The following SHCBP1L variants were observed in gnomAD, a reference collection of about 807,000 sequenced individuals.
The protein encoded by SHCBP1L is SHC binding and spindle associated 1 like, also known as testicular spindle-associated protein SHCBP1L.
SHCBP1L carries 67 observed loss-of-function variants against 62.5 expected under a neutral mutation model. The observed-to-expected ratio is 1.07, with a 90% CI of 0.88 to 1.31. The LOEUF (loss-of-function observed/expected upper bound fraction) is 1.31, where lower values mean the gene tolerates loss of function less well. SHCBP1L is among the 40% of genes most tolerant of loss of function. The pLI is 0.00. For synonymous variants in SHCBP1L, 284 were observed against 289.4 expected, an observed-to-expected ratio of 0.98 and a Z score of 0.19; for missense variants, 823 against 809.8, an observed-to-expected ratio of 1.02 and a Z score of -0.20.
intron 2 of SHCBP1L, among the ~76,000 whole-genome samples, chr1:182,944,957 C>CTTTTTTT (rs11309339): frequency 4.0e-4 from 44 of 109,038 alleles, no homozygotes; most frequent in African/African-American, 8.1e-4. Flanking sequence ...TTCTTTCTTT[C>CTTTTTTT]TTTTTTTTTT....
intron 5 of SHCBP1L, among the ~76,000 whole-genome samples, chr1:182,932,914 T>C (rs1233437117): frequency 2.6e-5 from 4 of 151,292 alleles, no homozygotes; most frequent in Admixed American, 6.6e-5. Flanking sequence ...AGCAATTTAC[T>C]TTTTTTTTGG....
intron 2 of SHCBP1L, among the ~76,000 whole-genome samples, chr1:182,949,294 CAT>C (rs1366904805): frequency 6.8e-6 from 1 of 147,794 alleles, no homozygotes; most frequent in East Asian, 2.0e-4. Context: ...AAAAAAAAGT[CAT>C]AAAGCCAGAT....
At chr1:182,951,531 T>TG in intron 1 of SHCBP1L, 64 bp from the exon 2 acceptor site, 1 of 406,088 alleles carries the variant, frequency 2.5e-6, no homozygotes, top group East Asian at 8.8e-5. Context: ...AACTAAGTGG[T>TG]TTTTTTTTTT....
intron 6 of SHCBP1L, among the ~76,000 whole-genome samples, chr1:182,909,138 T>C (rs1428500826): frequency 6.6e-6 from 1 of 152,286 alleles, no homozygotes; most frequent in East Asian, 1.9e-4. Flanking sequence ...ATATTTTTTT[T>C]ATTCACTGAA....
In SHCBP1L at chr1:182,940,361, T is replaced by G; in HGVS notation, c.738A>C (p.Ile246=). 6.2e-7 allele frequency: 1 copy of G among 1,613,942 alleles called. No individual in the cohort carries two copies. Among genetic ancestry groups the G allele is most frequent in the Non-Finnish European group, 8.5e-7 (1 of 1,179,924 alleles). Residue 246 remains isoleucine, a synonymous_variant, in exon 3 of 10, where the codon ATA becomes ATC. Transcript: ENST00000367547. The stretch of plus-strand genomic sequence containing the variant: ...CTTCCAAGGCCAAAGCAATAACATG[T>G]ATATCAGTATCTTGTCCCTCAACAG... ...VYPVEGQDTD[I]HVIALALEVV... is the part of the protein sequence containing the mutation.
chr1:182,941,045 T>G (rs548679010), intron 2 of SHCBP1L, among the ~76,000 whole-genome samples: 1 of 152,026 alleles, frequency 6.6e-6, no homozygotes, highest in Admixed American at 6.5e-5. Context: ...TTCAACAAAT[T>G]TTGCCATAAA....
chr1:182,942,781 T>G (rs1651415420), intron 2 of SHCBP1L, among the ~76,000 whole-genome samples: 1 of 152,236 alleles, frequency 6.6e-6, no homozygotes, highest in Non-Finnish European at 1.5e-5. Flanking sequence ...AATGAAATTC[T>G]TTATTTTTCG....
chr1:182,908,441 A>T (rs1255230623), intron 6 of SHCBP1L, among the ~76,000 whole-genome samples: 1 of 152,184 alleles, frequency 6.6e-6, no homozygotes, highest in Non-Finnish European at 1.5e-5. Context: ...ACTGCAAAGG[A>T]CATGATTTCA....
intron 8 of SHCBP1L, among the ~76,000 whole-genome samples, 154 bp downstream of exon 8, chr1:182,904,026 C>T (rs1288336414): frequency 6.6e-6 from 1 of 152,094 alleles, no homozygotes; most frequent in African/African-American, 2.4e-5. Context: ...CTATGACACT[C>T]CAGTACTCAT....
chr1:182,915,233 CAGTGAAAGAATAAAAAG>C, intron 6 of SHCBP1L, among the ~76,000 whole-genome samples: 1 of 84,202 alleles, frequency 1.2e-5, no homozygotes, highest in Admixed American at 1.3e-4. Context: ...AGTAGGTTAA[CAGTGAAAGAATAAAAAG>C]ATATTCTGTA....
Position 182,939,404 on chromosome 1 carries a change from A to G in SHCBP1L, c.858-10T>C, listed in dbSNP as rs369279292. On this transcript the variant is annotated splice_polypyrimidine_tract_variant and intron_variant, in intron 4 of 9. Transcript: ENST00000367547. ...CTGTATATCACACCACCTGAAAATTATCAACATAATTACAATGTTTATTTT... is the reference window on the plus strand; with the variant it reads ...CTGTATATCACACCACCTGAAAATTGTCAACATAATTACAATGTTTATTTT... The G allele has an allele frequency of 1.4e-5, 22 of 1,611,086 alleles. No homozygotes were observed. The highest frequency in any genetic ancestry group is 1.7e-5 in the Non-Finnish European group (20 of 1,178,826).
At chr1:182,944,192 G>A (rs1651475391) in intron 2 of SHCBP1L, among the ~76,000 whole-genome samples, 1 of 150,826 alleles carries the variant, frequency 6.6e-6, no homozygotes, top group Non-Finnish European at 1.5e-5. Flanking sequence ...GATCACCTGA[G>A]GTCAGGAGTT....
At chr1:182,923,991 C>T (rs912819267) in intron 6 of SHCBP1L, among the ~76,000 whole-genome samples, 1 of 152,100 alleles carries the variant, frequency 6.6e-6, no homozygotes. Flanking sequence ...AACCTCATAG[C>T]CTCTACCCAA....
At chr1:182,930,549 GTGTATATATA>G (rs1224807534) in intron 5 of SHCBP1L, among the ~76,000 whole-genome samples, 31 of 48,840 alleles carry the variant, frequency 6.3e-4, no homozygotes, top group Admixed American at 1.9e-3. Context: ...TTTAGTGTGT[GTGTATATATA>G]TATATATATA....
chr1:182,924,770 AAGAAAGAAAGAAAGAAAGAG>A (rs1191476627), intron 6 of SHCBP1L, among the ~76,000 whole-genome samples: 2 of 110,582 alleles, frequency 1.8e-5, no homozygotes, highest in South Asian at 3.4e-4. Context: ...GAAAGAAAGA[AAGAAAGAAAGAAAGAAAGAG>A]AGAAAGAAAG....
intron 5 of SHCBP1L, 64 bp from the exon 6 acceptor site, chr1:182,929,816 T>C: frequency 1.7e-6 from 2 of 1,173,698 alleles, no homozygotes; most frequent in South Asian, 1.5e-5. Flanking sequence ...TGTCCTTACT[T>C]GTAAATAAAA....
At chr1:182,908,299 C>G (rs1326852684) in intron 6 of SHCBP1L, among the ~76,000 whole-genome samples, 2 of 136,564 alleles carry the variant, frequency 1.5e-5, no homozygotes, top group African/African-American at 4.9e-5. Flanking sequence ...TTAGCAGTGT[C>G]TATTGTTCTC....
At chr1:182,935,515 C>T (rs1321058299) in intron 5 of SHCBP1L, among the ~76,000 whole-genome samples, 2 of 152,126 alleles carry the variant, frequency 1.3e-5, no homozygotes, top group Non-Finnish European at 2.9e-5. Flanking sequence ...TGTAAACTTG[C>T]TATACTCATT....
At chr1:182,942,430 G>T in intron 2 of SHCBP1L, 1 of 695,292 alleles carries the variant, frequency 1.4e-6, no homozygotes, top group Non-Finnish European at 2.7e-6. Flanking sequence ...CGCGTGCCGG[G>T]TGCCTGCGGG....
Sources: gnomAD v4.1 joint callset for allele counts (sites outside exome capture counted in the v4.1 genomes callset) on GRCh38, gnomAD v4.1.1 for gene constraint, MANE v1.5 for transcripts, NCBI Gene and HGNC (gene_info 2026-07-23, HGNC 2026-07-21) for gene names.